The following MAPRE1 variants were observed in gnomAD, a reference collection of about 807,000 sequenced individuals.
MAPRE1 encodes microtubule-associated protein RP/EB family member 1.
A neutral mutation model predicts 32.1 loss-of-function variants in MAPRE1; 5 were observed. The observed-to-expected ratio is 0.16, with a 90% confidence interval of 0.08 to 0.33. The LOEUF is 0.33. Among genes scored for constraint, MAPRE1 ranks in the 10% least tolerant of loss-of-function variants. The probability of loss-of-function intolerance (pLI) is 1.00; values close to 1 mark genes in which losing one functional copy is unlikely to be tolerated. For missense variants in MAPRE1, 209 were observed against 327.2 expected, an observed-to-expected ratio of 0.64 and a Z score of 2.79; for synonymous variants, 122 against 118.9, an observed-to-expected ratio of 1.03 and a Z score of -0.17.
intron 2 of MAPRE1, among the ~76,000 whole-genome samples, chr20:32,833,490 C>G (rs553227449): frequency 6.6e-6 from 1 of 152,284 alleles, no homozygotes; most frequent in African/African-American, 2.4e-5. Context: ...CACTCCTTTT[C>G]TCCTTGTTAT....
intron 2 of MAPRE1, among the ~76,000 whole-genome samples, chr20:32,829,706 TCTGC>T (rs1982965704): frequency 6.6e-6 from 1 of 152,234 alleles, no homozygotes; most frequent in Admixed American, 6.5e-5. Flanking sequence ...CCTTTGTTAA[TCTGC>T]CTGCTGCCTG....
intron 4 of MAPRE1, among the ~76,000 whole-genome samples, chr20:32,838,239 G>A (rs1983255237): frequency 6.6e-6 from 1 of 152,144 alleles, no homozygotes; most frequent in African/African-American, 2.4e-5. Context: ...TGGAGTCATA[G>A]AGTATGTGAT....
intron 1 of MAPRE1, among the ~76,000 whole-genome samples, chr20:32,820,974 C>T (rs1389037909): frequency 6.6e-6 from 1 of 150,780 alleles, no homozygotes; most frequent in Non-Finnish European, 1.5e-5. Context: ...CTCCATGTGG[C>T]TTTGTGTCTT....
At chr20:32,836,955 C>A in intron 4 of MAPRE1, 114 bp downstream of exon 4, 2 of 929,524 alleles carry the variant, frequency 2.2e-6, no homozygotes, top group Non-Finnish European at 3.2e-6. Flanking sequence ...GAAATATAAT[C>A]CCAGGCATGT....
intron 1 of MAPRE1, among the ~76,000 whole-genome samples, chr20:32,821,098 C>T (rs1817403329): frequency 6.6e-6 from 1 of 151,782 alleles, no homozygotes; most frequent in African/African-American, 2.4e-5. Flanking sequence ...TCACTGCAAC[C>T]TCCGCCTCCC....
chr20:32,820,703 AC>A (rs1174315991), intron 1 of MAPRE1, among the ~76,000 whole-genome samples: 4 of 152,140 alleles, frequency 2.6e-5, no homozygotes, highest in African/African-American at 9.7e-5. Context: ...CCAGGAATCC[AC>A]ATTATGATGA....
intron 2 of MAPRE1, among the ~76,000 whole-genome samples, chr20:32,833,080 A>G (rs1316116862): frequency 6.6e-6 from 1 of 152,074 alleles, no homozygotes; most frequent in Non-Finnish European, 1.5e-5. Context: ...GCACGTGCCT[A>G]TAGTCCCGCT....
chr20:32,829,632 C>T (rs1982963666), intron 2 of MAPRE1, among the ~76,000 whole-genome samples: 2 of 145,834 alleles, frequency 1.4e-5, no homozygotes, highest in African/African-American at 4.9e-5. Context: ...CCAGAGTTCT[C>T]CACTAAACAC....
At chr20:32,845,223 G>A (rs539093231) in intron 5 of MAPRE1, among the ~76,000 whole-genome samples, 1 of 151,930 alleles carries the variant, frequency 6.6e-6, no homozygotes, top group African/African-American at 2.4e-5. Flanking sequence ...AGATTTTTTT[G>A]TAGAGACAGG....
intron 3 of MAPRE1, among the ~76,000 whole-genome samples, chr20:32,835,057 G>A (rs1474154202): frequency 6.6e-6 from 1 of 152,078 alleles, no homozygotes; most frequent in African/African-American, 2.4e-5. Flanking sequence ...TGGAATCTTT[G>A]GAGATTAAAA....
At chr20:32,821,000 T>C (rs1982682300) in intron 1 of MAPRE1, among the ~76,000 whole-genome samples, 1 of 152,014 alleles carries the variant, frequency 6.6e-6, no homozygotes, top group Non-Finnish European at 1.5e-5. Context: ...ACTAACACTG[T>C]CTTTAAGAGA....
intron 6 of MAPRE1, among the ~76,000 whole-genome samples, chr20:32,848,166 G>A (rs1020913567): frequency 4.0e-5 from 6 of 151,550 alleles, no homozygotes; most frequent in Non-Finnish European, 5.9e-5. Flanking sequence ...CCTCGACCCC[G>A]CTGGGGAGTA....
At chr20:32,827,882 G>A (rs985664062) in intron 2 of MAPRE1, among the ~76,000 whole-genome samples, 10 of 145,920 alleles carry the variant, frequency 6.9e-5, no homozygotes, top group South Asian at 4.5e-4. Flanking sequence ...GTGACAGAGC[G>A]AGGCTCTGTC....
chr20:32,845,146 T>C (rs1447244720), intron 5 of MAPRE1, among the ~76,000 whole-genome samples: 1 of 152,186 alleles, frequency 6.6e-6, no homozygotes, highest in Non-Finnish European at 1.5e-5. Flanking sequence ...GCTCAGACAA[T>C]GTTCCTGCTT....
At chr20:32,832,005 TAAATC>T (rs1016195877) in intron 2 of MAPRE1, among the ~76,000 whole-genome samples, 1 of 147,792 alleles carries the variant, frequency 6.8e-6, no homozygotes, top group African/African-American at 2.5e-5. Flanking sequence ...GATGAGTAAA[TAAATC>T]AGTCACCTCA....
At chr20:32,836,042 A>C (rs774708239) in intron 3 of MAPRE1, among the ~76,000 whole-genome samples, 1 of 152,038 alleles carries the variant, frequency 6.6e-6, no homozygotes, top group Non-Finnish European at 1.5e-5. Flanking sequence ...ACTCACTGCA[A>C]CCTCTGTCTC....
At position 32,850,298 on chromosome 20, in the gene MAPRE1, G is replaced by A. The variant is rs1224891290; in HGVS notation, c.*1570G>A. ...TTTTGTGGCCTTTTAGACTTTTGTT[G>A]CCCTAAAATTCCATTTTATTGGGAA... On this transcript the variant is annotated 3_prime_UTR_variant, in exon 7 of 7. Transcript: ENST00000375571. The A allele has an allele frequency of 2.0e-5, 3 of 152,478 alleles. No homozygotes were observed. The highest frequency in any genetic ancestry group is 4.4e-5 in the Non-Finnish European group (3 of 68,012). 9.4% of individuals were successfully genotyped at this position (152,478 alleles called of 1,614,324 possible).
intron 1 of MAPRE1, among the ~76,000 whole-genome samples, chr20:32,822,874 T>G (rs1982740381): frequency 6.6e-6 from 1 of 152,102 alleles, no homozygotes. Flanking sequence ...ATCATAAAGG[T>G]TTGAATGAAT....
rs768809491 is a variant in MAPRE1, at chr20:32,848,700, G to T, written c.779G>T (p.Gly260Val). The T allele has an allele frequency of 1.9e-6, 3 of 1,612,718 alleles. No individual in the cohort carries two copies. The highest frequency in any genetic ancestry group is 2.7e-5 in the African/African-American group (2 of 74,854). The change falls in exon 7 of 7, where the codon GGC (glycine) becomes GTC (valine). Residue 260 changes from glycine (G) to valine (V), a missense_variant. Coordinates refer to ENST00000375571, the MANE Select transcript of MAPRE1 (RefSeq NM_012325.3). ...DEGFVIPDEG[G>V]PQEEQEEY ...GGCTTTGTGATACCTGATGAAGGGG[G>T]CCCACAGGAGGAGCAAGAAGAGTAT... is the stretch of plus-strand genomic sequence containing the variant.
Sources: gnomAD v4.1 joint callset for allele counts (sites outside exome capture counted in the v4.1 genomes callset) on GRCh38, gnomAD v4.1.1 for gene constraint, MANE v1.5 for transcripts, NCBI Gene and HGNC (gene_info 2026-07-23, HGNC 2026-07-21) for gene names.